The following GPC5 variants were observed in gnomAD, a reference collection of about 807,000 sequenced individuals.
The protein encoded by GPC5 is glypican-5.
Under a neutral mutation model 53.9 loss-of-function variants are expected in GPC5, and 47 were observed. The observed-to-expected ratio is 0.87, with a 90% CI of 0.69 to 1.11. GPC5 has a LOEUF of 1.11. Ranked by LOEUF, GPC5 falls within the 50% of genes most tolerant of loss-of-function variation. GPC5 has a pLI of 0.00. For synonymous variants in GPC5, 286 were observed against 263.3 expected (o/e 1.09, Z -0.84); for missense variants, 748 against 713.1 (o/e 1.05, Z -0.56).
At chr13:91,860,240 C>T (rs1245575622) in intron 5 of GPC5, among the ~76,000 whole-genome samples, 1 of 152,118 alleles carries the variant, frequency 6.6e-6, no homozygotes, top group African/African-American at 2.4e-5. Flanking sequence ...CGCTTCCCAG[C>T]CTCTAGCATC....
chr13:91,887,104 G>A (rs1256262824), intron 5 of GPC5, among the ~76,000 whole-genome samples: 1 of 152,156 alleles, frequency 6.6e-6, no homozygotes, highest in Non-Finnish European at 1.5e-5. Context: ...ACATCCAGGT[G>A]TTTCCATACA....
chr13:92,501,103 A>G (rs1880167721), intron 7 of GPC5, among the ~76,000 whole-genome samples: 1 of 152,194 alleles, frequency 6.6e-6, no homozygotes. Flanking sequence ...TTACAAGGAA[A>G]ATAACATCCC....
At chr13:92,760,587 A>ATT (rs200252255) in intron 7 of GPC5, among the ~76,000 whole-genome samples, 4 of 142,002 alleles carry the variant, frequency 2.8e-5, no homozygotes, top group Admixed American at 1.4e-4. Flanking sequence ...GAGTTTTTCA[A>ATT]TTTTTTTTTT....
intron 7 of GPC5, among the ~76,000 whole-genome samples, chr13:92,247,788 C>T (rs1171061107): frequency 6.6e-6 from 1 of 152,070 alleles, no homozygotes; most frequent in African/African-American, 2.4e-5. Flanking sequence ...AACCTCTTAA[C>T]ACCCACTTGA....
rs539261034 is a variant in GPC5, at chr13:91,905,231, G to A, written c.1281-2706G>A. ...ATGTGCAATCTACTTAGGATATTGGGAGCATAAGGAATAACACAGCAGTGC... is the reference window on the plus strand; with the variant it reads ...ATGTGCAATCTACTTAGGATATTGGAAGCATAAGGAATAACACAGCAGTGC... On this transcript the variant is annotated intron_variant, in intron 5 of 7. Transcript: ENST00000377067. 4.6e-5 allele frequency among the ~76,000 whole-genome samples: 7 copies of A among 152,018 alleles called. No homozygotes were observed. In the East Asian group the frequency reaches 1.4e-3, roughly 29 times the overall value.
chr13:92,171,410 T>C (rs560046193), intron 7 of GPC5, among the ~76,000 whole-genome samples: 13 of 152,286 alleles, frequency 8.5e-5, no homozygotes, highest in Middle Eastern at 3.4e-3. Flanking sequence ...CCTAAATGTA[T>C]AATCTCCTCC....
chr13:92,106,123 C>G (rs2041507598), intron 6 of GPC5, among the ~76,000 whole-genome samples: 1 of 151,880 alleles, frequency 6.6e-6, no homozygotes, highest in Non-Finnish European at 1.5e-5. Flanking sequence ...TCAGGTGTTT[C>G]TGTTGAAACT....
chr13:91,484,298 C>A (rs1883470617), intron 2 of GPC5, among the ~76,000 whole-genome samples: 1 of 152,042 alleles, frequency 6.6e-6, no homozygotes, highest in South Asian at 2.1e-4. Context: ...TTCCATTTTC[C>A]AAAAAATGAC....
chr13:92,436,096 C>A (rs1310703988), intron 7 of GPC5, among the ~76,000 whole-genome samples: 1 of 152,032 alleles, frequency 6.6e-6, no homozygotes, highest in African/African-American at 2.4e-5. Context: ...CCATAAGTTA[C>A]CATCTAGTCA....
intron 2 of GPC5, among the ~76,000 whole-genome samples, chr13:91,594,286 G>A (rs904576638): frequency 3.3e-5 from 5 of 152,196 alleles, no homozygotes; most frequent in African/African-American, 9.7e-5. Context: ...AGAGGCCTTC[G>A]AAGGCCTTTG....
rs1221728914 is a variant in GPC5 at position 92,283,599 on chromosome 13, C to T, written c.1561+138610C>T. Among the ~76,000 whole-genome samples the T allele has an allele frequency of 4.6e-5, 7 of 152,256 alleles. No homozygotes were observed. In the South Asian group the frequency reaches 8.3e-4, roughly 18 times the overall value. ...CAGGATTAAGAAACTCCCTCAAAAC[C>T]GCTCAACTACATGGAAACTGAACAA... On this transcript the variant is annotated intron_variant, in intron 7 of 7. Coordinates refer to ENST00000377067, the MANE Select transcript of GPC5 (RefSeq NM_004466.6).
chr13:91,610,708 CATCCCAA>C (rs2033521292), intron 2 of GPC5, among the ~76,000 whole-genome samples: 2 of 152,252 alleles, frequency 1.3e-5, no homozygotes, highest in African/African-American at 2.4e-5. Context: ...GATTAAGTAT[CATCCCAA>C]ATCTGGAATA....
chr13:91,611,144 T>G (rs1469744859), intron 2 of GPC5, among the ~76,000 whole-genome samples: 2 of 152,222 alleles, frequency 1.3e-5, no homozygotes, highest in Non-Finnish European at 2.9e-5. Context: ...TGAGGGCATA[T>G]GACATTGAGT....
chr13:92,753,146 T>C (rs533078117), intron 7 of GPC5, among the ~76,000 whole-genome samples: 3 of 152,268 alleles, frequency 2.0e-5, no homozygotes, highest in African/African-American at 4.8e-5. Flanking sequence ...GATCTGAGAA[T>C]GGGCAGACTG....
At chr13:91,867,917 T>G (rs2039101833) in intron 5 of GPC5, among the ~76,000 whole-genome samples, 1 of 152,184 alleles carries the variant, frequency 6.6e-6, no homozygotes, top group Admixed American at 6.5e-5. Context: ...TGTGGAAAAT[T>G]CAGAATTTTC....
At chr13:92,752,846 G>T (rs557490213) in intron 7 of GPC5, among the ~76,000 whole-genome samples, 2 of 152,170 alleles carry the variant, frequency 1.3e-5, no homozygotes, top group African/African-American at 4.8e-5. Context: ...CCTACGCCCA[G>T]GGAGTCTCGC....
At chr13:91,467,022 T>A (rs1267979529) in intron 2 of GPC5, among the ~76,000 whole-genome samples, 5 of 152,128 alleles carry the variant, frequency 3.3e-5, no homozygotes, top group Admixed American at 3.3e-4. Flanking sequence ...GGTCCTTGCT[T>A]TACACGCCTG....
At position 92,353,280 on chromosome 13, in the gene GPC5, A is replaced by AAAAAAAAAAAG. The variant is rs2043495704; in HGVS notation, c.1561+208295_1561+208296insAAAAAAGAAAA. ...AGACTCCGTCTCAAAAAAAAAAAAA[A>AAAAAAAAAAAG]AAAAGAAATGTGTATCAGTGGGAGA... On this transcript the variant is annotated intron_variant, in intron 7 of 7. Coordinates refer to ENST00000377067, the MANE Select transcript of GPC5 (RefSeq NM_004466.6). Among the ~76,000 whole-genome samples, 6 of 150,576 alleles carry AAAAAAAAAAAG rather than the reference A, an allele frequency of 4.0e-5. No individual in the cohort carries two copies. In the South Asian group the frequency reaches 1.3e-3, roughly 32 times the overall value.
intron 5 of GPC5, among the ~76,000 whole-genome samples, chr13:91,882,311 T>C (rs1220568837): frequency 3.3e-5 from 5 of 152,278 alleles, no homozygotes; most frequent in Non-Finnish European, 7.4e-5. Context: ...CACATATTCT[T>C]GTATATAAGT....
Sources: allele counts gnomAD v4.1 joint callset (sites outside exome capture counted in the v4.1 genomes callset), GRCh38; gene constraint gnomAD v4.1.1; transcripts MANE v1.5; gene names NCBI Gene and HGNC (gene_info 2026-07-23, HGNC 2026-07-21).